Variants in DCLK2 observed in about 807,000 individuals in gnomAD.
The protein encoded by DCLK2 is serine/threonine-protein kinase DCLK2.
DCLK2 carries 31 observed loss-of-function variants against 78.4 expected under a neutral mutation model. That is an observed-to-expected ratio of 0.40 (90% confidence interval 0.30 to 0.53). The LOEUF is 0.53. DCLK2 is among the 20% of genes least tolerant of loss of function. The pLI is 0.61. For synonymous variants in DCLK2, 407 were observed against 374.9 expected (o/e 1.09, Z -0.99); for missense variants, 872 against 973.7 (o/e 0.90, Z 1.39).
chr4:150,232,612 G>A (rs1203795986), intron 9 of DCLK2, 70 bp from the exon 10 acceptor site: 1 of 1,554,026 alleles, frequency 6.4e-7, no homozygotes, highest in African/African-American at 1.4e-5. Context: ...TTATGCCAAT[G>A]AGCCATCTTT....
chr4:150,111,667 G>A (rs1731702186), intron 2 of DCLK2, among the ~76,000 whole-genome samples: 1 of 152,058 alleles, frequency 6.6e-6, no homozygotes, highest in South Asian at 2.1e-4. Context: ...ATGGTAAGGG[G>A]TAGGGAATCC....
At chr4:150,165,101 T>C (rs1735971844) in intron 2 of DCLK2, among the ~76,000 whole-genome samples, 1 of 152,352 alleles carries the variant, frequency 6.6e-6, no homozygotes, top group East Asian at 1.9e-4. Flanking sequence ...CCTGAGGGCA[T>C]GAACATTCCA....
chr4:150,249,797 T>G (rs1394527335), intron 15 of DCLK2, 113 bp downstream of exon 15: 1 of 847,696 alleles, frequency 1.2e-6, no homozygotes, highest in Non-Finnish European at 2.0e-6. Context: ...TAGTCCTATT[T>G]CATATGAAGA....
At chr4:150,245,911 A>G (rs1305615463) in intron 12 of DCLK2, among the ~76,000 whole-genome samples, 2 of 152,226 alleles carry the variant, frequency 1.3e-5, no homozygotes, top group Non-Finnish European at 2.9e-5. Flanking sequence ...TACTGGGTAT[A>G]TACCCAAAGG....
Position 150,212,002 on chromosome 4 carries a change from C to G in DCLK2, c.1056+8113C>G, listed in dbSNP as rs191003307. 6.6e-5 allele frequency among the ~76,000 whole-genome samples: 10 copies of G among 152,268 alleles called. No homozygotes were observed. In the South Asian group the frequency reaches 2.1e-3, roughly 32 times the overall value. On this transcript the variant is annotated intron_variant, in intron 5 of 15. Transcript: ENST00000296550. ...GAAAGCATTTCCCTGAACTTTAATT[C>G]ATCATTCATGTTCCAGTTTAAGACT...
chr4:150,120,146 A>G (rs909318271), intron 2 of DCLK2, among the ~76,000 whole-genome samples: 1 of 152,244 alleles, frequency 6.6e-6, no homozygotes, highest in Non-Finnish European at 1.5e-5. Context: ...GGACAGCTGC[A>G]AAGTCAGTAT....
At chr4:150,107,381 T>TTG (rs1358378347) in intron 2 of DCLK2, among the ~76,000 whole-genome samples, 5 of 148,256 alleles carry the variant, frequency 3.4e-5, no homozygotes, top group Admixed American at 1.3e-4. Context: ...GGTTATTGTT[T>TTG]TTTTTTTTTT....
intron 1 of DCLK2, 109 bp from the exon 2 acceptor site, chr4:150,102,369 C>A: frequency 1.0e-6 from 1 of 983,388 alleles, no homozygotes; most frequent in Non-Finnish European, 1.5e-6. Flanking sequence ...TTTTAGTGAA[C>A]CCACTAAGGT....
At chr4:150,137,429 G>A (rs1372316292) in intron 2 of DCLK2, among the ~76,000 whole-genome samples, 1 of 152,114 alleles carries the variant, frequency 6.6e-6, no homozygotes, top group Non-Finnish European at 1.5e-5. Flanking sequence ...GAGACAAATG[G>A]TCAAACTCTT....
At chr4:150,141,510 G>A (rs1008386098) in intron 2 of DCLK2, among the ~76,000 whole-genome samples, 1 of 152,170 alleles carries the variant, frequency 6.6e-6, no homozygotes, top group African/African-American at 2.4e-5. Flanking sequence ...AAAGGCACCT[G>A]GTGGGTAGGG....
At chr4:150,229,222 G>T (rs1170141180) in intron 8 of DCLK2, among the ~76,000 whole-genome samples, 1 of 152,152 alleles carries the variant, frequency 6.6e-6, no homozygotes, top group African/African-American at 2.4e-5. Flanking sequence ...CAGCTACTCA[G>T]GAGGCTGAGG....
At chr4:150,079,682 G>A (rs922056744) in intron 1 of DCLK2, among the ~76,000 whole-genome samples, 1 of 152,142 alleles carries the variant, frequency 6.6e-6, no homozygotes, top group Non-Finnish European at 1.5e-5. Flanking sequence ...TTTCCTGATG[G>A]TCAGGCCAAT....
intron 1 of DCLK2, among the ~76,000 whole-genome samples, chr4:150,098,264 G>A (rs1198552509): frequency 2.0e-5 from 3 of 152,070 alleles, no homozygotes; most frequent in Non-Finnish European, 4.4e-5. Context: ...GCAAGAGGGG[G>A]ATGTTTGGTA....
chr4:150,177,922 TG>T (rs1426674257), intron 2 of DCLK2, among the ~76,000 whole-genome samples: 5 of 152,154 alleles, frequency 3.3e-5, no homozygotes, highest in Non-Finnish European at 7.4e-5. Flanking sequence ...GCACTGGGGC[TG>T]GGGACCAGGA....
intron 3 of DCLK2, among the ~76,000 whole-genome samples, chr4:150,196,255 A>C (rs1347704623): frequency 6.6e-6 from 1 of 152,182 alleles, no homozygotes; most frequent in African/African-American, 2.4e-5. Flanking sequence ...TAAACCTAGG[A>C]TATAGTTCTG....
chr4:150,092,850 A>G (rs1730190264), intron 1 of DCLK2, among the ~76,000 whole-genome samples: 1 of 152,216 alleles, frequency 6.6e-6, no homozygotes, highest in African/African-American at 2.4e-5. Context: ...CATAGTTAAC[A>G]GTAGAAAAGC....
At chr4:150,179,827 G>T (rs1737373638) in intron 2 of DCLK2, among the ~76,000 whole-genome samples, 1 of 152,094 alleles carries the variant, frequency 6.6e-6, no homozygotes, top group East Asian at 1.9e-4. Context: ...TTTGTAATTT[G>T]TTTTTAAAGA....
chr4:150,179,092 A>G (rs1412582365), intron 2 of DCLK2, among the ~76,000 whole-genome samples: 1 of 152,146 alleles, frequency 6.6e-6, no homozygotes, highest in Non-Finnish European at 1.5e-5. Context: ...CAGTGGCGCG[A>G]TCTCGGCTCA....
At chr4:150,148,547 A>G (rs1415794939) in intron 2 of DCLK2, among the ~76,000 whole-genome samples, 2 of 152,174 alleles carry the variant, frequency 1.3e-5, no homozygotes, top group Non-Finnish European at 2.9e-5. Flanking sequence ...GTACAGATGC[A>G]TATCACTGTG....
Sources: allele counts gnomAD v4.1 joint callset (sites outside exome capture counted in the v4.1 genomes callset), GRCh38; gene constraint gnomAD v4.1.1; transcripts MANE v1.5; gene names NCBI Gene and HGNC (gene_info 2026-07-23, HGNC 2026-07-21).